MTMR1: variants seen among roughly 807,000 people sequenced by gnomAD.
The protein encoded by MTMR1 is myotubularin related protein 1, also known as phosphatidylinositol-3-phosphate phosphatase MTMR1.
Under a neutral mutation model 51.6 loss-of-function variants are expected in MTMR1, and 17 were observed. That is an observed-to-expected ratio of 0.33 (90% CI 0.23 to 0.49). MTMR1 has a LOEUF of 0.49. Among genes scored for constraint, MTMR1 ranks in the 20% least tolerant of loss-of-function variants. The probability of loss-of-function intolerance (pLI) is 0.99; values close to 1 mark genes in which losing one functional copy is unlikely to be tolerated. For missense variants in MTMR1, 386 were observed against 526.9 expected (o/e 0.73, Z 2.62); for synonymous variants, 201 against 205.6 (o/e 0.98, Z 0.19).
intron 4 of MTMR1, among the ~76,000 whole-genome samples, chrX:150,720,719 G>A (rs1372055811): frequency 8.9e-6 from 1 of 111,859 alleles, no homozygotes; most frequent in Non-Finnish European, 1.9e-5. Flanking sequence ...CTAAGTGGTC[G>A]TACCAGTATA....
chrX:150,757,747 A>G (rs1557417812), intron 15 of MTMR1, among the ~76,000 whole-genome samples: 1 of 111,790 alleles, frequency 8.9e-6, no homozygotes, highest in African/African-American at 3.3e-5. Flanking sequence ...GATAGGAGAG[A>G]CTTGCATCTG....
At chrX:150,744,847 C>A (rs1475281808) in intron 13 of MTMR1, among the ~76,000 whole-genome samples, 1 of 112,198 alleles carries the variant, frequency 8.9e-6, no homozygotes, top group African/African-American at 3.2e-5. Context: ...TTAGACCAGG[C>A]AATCCAGGAA....
At chrX:150,758,111 G>A (rs1557417825) in intron 15 of MTMR1, among the ~76,000 whole-genome samples, 1 of 111,027 alleles carries the variant, frequency 9.0e-6, no homozygotes. Flanking sequence ...TCTGCTGCAG[G>A]CCAGTTCCCC....
chrX:150,732,718 T>A lies in MTMR1; in HGVS notation c.1068T>A (p.Ala356=). ...IIFDARQNSV[A]DTNKTKGGGY... ...TTGATGCTCGACAAAACAGTGTCGC[T>A]GATACCAACAAGGTATATTCTTAAT... Residue 356 remains alanine, a synonymous_variant, in exon 10 of 16, where the codon GCT becomes GCA. Transcript: ENST00000445323. 8.3e-7 allele frequency: 1 copy of A among 1,202,501 alleles called. No homozygotes were observed. Among genetic ancestry groups the A allele is most frequent in the Non-Finnish European group, 1.1e-6 (1 of 889,765 alleles).
At chrX:150,744,578 T>G (rs2042523461) in intron 13 of MTMR1, 125 bp downstream of exon 13, 1 of 545,358 alleles carries the variant, frequency 1.8e-6, no homozygotes, top group Admixed American at 3.7e-5. Flanking sequence ...TTAACACAAT[T>G]TGATTCTAAT....
intron 1 of MTMR1, among the ~76,000 whole-genome samples, chrX:150,696,153 GT>G (rs1557415728): frequency 1.8e-5 from 2 of 111,345 alleles, no homozygotes; most frequent in Admixed American, 1.9e-4. Context: ...GAGAGTCCAG[GT>G]TGGAGAAACA....
In MTMR1 at chrX:150,764,989, G is replaced by A. The variant is rs781934653; in HGVS notation, c.*2260G>A. Reference sequence around the variant, plus strand: ...GTAGATTTTTCCTTTGAGGAAAATCGGTAATAAAATAACATGGATTGAATG... The same window carrying A: ...GTAGATTTTTCCTTTGAGGAAAATCAGTAATAAAATAACATGGATTGAATG... On this transcript the variant is annotated 3_prime_UTR_variant, in exon 16 of 16. Coordinates refer to ENST00000445323, the MANE Select transcript of MTMR1 (RefSeq NM_001306144.3). 1.8e-5 allele frequency: 2 copies of A among 112,052 alleles called. No homozygotes were observed. The highest frequency in any genetic ancestry group is 3.6e-4 in the South Asian group (1 of 2,749). 9.2% of individuals were successfully genotyped at this position (112,052 alleles called of 1,213,427 possible).
At chrX:150,693,310 G>T, upstream of MTMR1, 1 of 268,786 alleles carries the variant, frequency 3.7e-6, no homozygotes, top group Non-Finnish European at 5.1e-6. Flanking sequence ...TCCCGGCGCC[G>T]GCCCCGCGCG....
intron 10 of MTMR1, among the ~76,000 whole-genome samples, chrX:150,735,086 G>A (rs891803553): frequency 1.8e-5 from 2 of 111,960 alleles, no homozygotes; most frequent in African/African-American, 6.5e-5. Flanking sequence ...TTTAAATGAT[G>A]CAGCTAGAAG....
intron 6 of MTMR1, among the ~76,000 whole-genome samples, chrX:150,728,454 A>G (rs5925414): frequency 0.35 from 39,233 of 111,007 alleles, 5,558 homozygotes; most frequent in South Asian, 0.52. Flanking sequence ...GACTACGTTC[A>G]GAACAATGTG....
chrX:150,732,414 C>T (rs782631461), intron 9 of MTMR1, 128 bp from the exon 10 acceptor site: 143 of 558,010 alleles, frequency 2.6e-4, no homozygotes, highest in Non-Finnish European at 3.5e-4. Flanking sequence ...TTGGCCTGCC[C>T]ACTCTCACTT....
chrX:150,708,687 T>A (rs2041203139), intron 2 of MTMR1, among the ~76,000 whole-genome samples: 1 of 111,089 alleles, frequency 9.0e-6, no homozygotes, highest in Non-Finnish European at 1.9e-5. Flanking sequence ...GGAGGGGATG[T>A]GGGGCATGTG....
intron 15 of MTMR1, among the ~76,000 whole-genome samples, chrX:150,757,132 T>G (rs966637639): frequency 1.8e-4 from 20 of 112,638 alleles, no homozygotes; most frequent in Admixed American, 7.5e-4. Context: ...CTAGATCGTC[T>G]CCACACTCCA....
rs1044805868 is a variant in MTMR1, at chrX:150,700,340, G to A, written c.252+1040G>A. Reference sequence around the variant, plus strand: ...ACAAGTGCAGAAACAGGCTCAGGAGGCCAATTAATTGAGATTTGGCTATGG... The same window carrying A: ...ACAAGTGCAGAAACAGGCTCAGGAGACCAATTAATTGAGATTTGGCTATGG... On this transcript the variant is annotated intron_variant, in intron 2 of 15. Coordinates refer to ENST00000445323, the MANE Select transcript of MTMR1 (RefSeq NM_001306144.3). 4.5e-5 allele frequency among the ~76,000 whole-genome samples: 5 copies of A among 112,134 alleles called. No individual in the cohort carries two copies. In the East Asian group the frequency reaches 1.4e-3, roughly 31 times the overall value.
chrX:150,730,653 C>A, intron 8 of MTMR1, 45 bp downstream of exon 8: 1 of 817,486 alleles, frequency 1.2e-6, no homozygotes, highest in Admixed American at 3.3e-5. Context: ...GGTTGAGCAT[C>A]TTTTTCTCTT....
intron 2 of MTMR1, among the ~76,000 whole-genome samples, chrX:150,705,711 G>C (rs1365815377): frequency 7.1e-5 from 8 of 111,919 alleles, no homozygotes; most frequent in Non-Finnish European, 1.5e-4. Context: ...GCTAAAGAAA[G>C]TTCTCTGAAC....
chrX:150,744,861 C>T (rs1250586506), intron 13 of MTMR1, among the ~76,000 whole-genome samples: 1 of 112,202 alleles, frequency 8.9e-6, no homozygotes, highest in Non-Finnish European at 1.9e-5. Context: ...CCAGGAATCT[C>T]CACACTCTGC....
In MTMR1 at chrX:150,763,128, T is replaced by C. The variant is rs782016057; in HGVS notation, c.*399T>C. The C allele has an allele frequency of 9.1e-4, 118 of 129,008 alleles. No homozygotes were observed. Among genetic ancestry groups the C allele is most frequent in the Non-Finnish European group, 1.5e-3 (93 of 63,862 alleles). 10.6% of individuals were successfully genotyped at this position (129,008 alleles called of 1,213,427 possible). ...TCTTGGCCACAACTTGAAAACTGTCTTGAATGAAGTACTTGGGGAGAAGAC... is the reference window on the plus strand; with the variant it reads ...TCTTGGCCACAACTTGAAAACTGTCCTGAATGAAGTACTTGGGGAGAAGAC... On this transcript the variant is annotated 3_prime_UTR_variant, in exon 16 of 16. Coordinates refer to ENST00000445323, the MANE Select transcript of MTMR1 (RefSeq NM_001306144.3).
intron 4 of MTMR1, among the ~76,000 whole-genome samples, chrX:150,723,357 T>G (rs1263662710): frequency 9.0e-6 from 1 of 111,190 alleles, no homozygotes; most frequent in Non-Finnish European, 1.9e-5. Context: ...TATAGTCCTT[T>G]GGGTATGTAC....
Sources: gnomAD v4.1 joint callset for allele counts (sites outside exome capture counted in the v4.1 genomes callset) on GRCh38, gnomAD v4.1.1 for gene constraint, MANE v1.5 for transcripts, NCBI Gene and HGNC (gene_info 2026-07-23, HGNC 2026-07-21) for gene names.